The following SOX5 variants were observed in gnomAD, a reference collection of about 807,000 sequenced individuals.
The protein encoded by SOX5 is SRY-box transcription factor 5.
A neutral mutation model predicts 92.0 loss-of-function variants in SOX5; 9 were observed. The observed-to-expected ratio is 0.10, with a 90% CI of 0.06 to 0.17. The LOEUF is 0.17. Among genes scored for constraint, SOX5 ranks in the 10% least tolerant of loss-of-function variants. The pLI is 1.00. For missense variants in SOX5, 642 were observed against 944.5 expected, an observed-to-expected ratio of 0.68 and a Z score of 4.20; for synonymous variants, 344 against 336.3, an observed-to-expected ratio of 1.02 and a Z score of -0.25.
intron 2 of SOX5, among the ~76,000 whole-genome samples, chr12:24,362,784 C>G (rs555390362): frequency 6.7e-6 from 1 of 148,184 alleles, no homozygotes; most frequent in South Asian, 2.1e-4. Flanking sequence ...TAATAATTAG[C>G]TAGATATTTT....
intron 6 of SOX5, among the ~76,000 whole-genome samples, chr12:23,722,894 C>T (rs1185071387): frequency 6.6e-6 from 1 of 152,170 alleles, no homozygotes; most frequent in Non-Finnish European, 1.5e-5. Context: ...GAGACACCAG[C>T]ATTTTTCTTC....
intron 4 of SOX5, among the ~76,000 whole-genome samples, chr12:24,144,082 A>AG (rs1950845118): frequency 6.6e-6 from 1 of 151,538 alleles, no homozygotes; most frequent in African/African-American, 2.4e-5. Context: ...ACAAGCAGCC[A>AG]GAAAAAAAAA....
intron 2 of SOX5, among the ~76,000 whole-genome samples, chr12:24,317,135 A>G (rs1190128921): frequency 1.3e-5 from 2 of 152,332 alleles, no homozygotes; most frequent in East Asian, 1.9e-4. Flanking sequence ...TAGGTTCAAG[A>G]CAATTGACAA....
chr12:24,245,699 C>T (rs1938559134), intron 3 of SOX5, among the ~76,000 whole-genome samples: 1 of 152,034 alleles, frequency 6.6e-6, no homozygotes, highest in Non-Finnish European at 1.5e-5. Context: ...TGAAAATTAG[C>T]TAATTTTTAA....
At position 24,307,529 on chromosome 12, in the gene SOX5, CA is replaced by C. The variant is rs1280545692; in HGVS notation, c.-173-30218del. Among the ~76,000 whole-genome samples, 2 of 14,900 alleles carry C rather than the reference CA, an allele frequency of 1.3e-4. 1 individual carries two copies. The highest frequency in any genetic ancestry group is 2.2e-4 in the African/African-American group (2 of 9,004). The allele number at this position is 14,900 out of a possible 152,430, so 9.8% of individuals were successfully genotyped here. ...AGGAAGGAAGGAAGGCCGGCCCCCC[CA>C]CCCACCCACTCACCCACCCTGGGTC... On this transcript the variant is annotated intron_variant, in intron 2 of 4. Transcript: ENST00000446891.
chr12:23,693,298 A>G (rs1028584385), intron 6 of SOX5, among the ~76,000 whole-genome samples: 1 of 151,814 alleles, frequency 6.6e-6, no homozygotes, highest in Admixed American at 6.6e-5. Flanking sequence ...TAATTTATGG[A>G]TTTGTAGTAG....
intron 4 of SOX5, among the ~76,000 whole-genome samples, chr12:24,076,174 A>T (rs1489482257): frequency 6.6e-6 from 1 of 152,078 alleles, no homozygotes; most frequent in Non-Finnish European, 1.5e-5. Context: ...GCTTGTTATT[A>T]TCTCTCTAAA....
rs576117818 is a variant in SOX5, at chr12:23,823,923, G to A, written c.481+22060C>T. Among the ~76,000 whole-genome samples, 13 of 152,220 alleles carry A rather than the reference G, an allele frequency of 8.5e-5. No individual in the cohort carries two copies. In the Middle Eastern group the frequency reaches 0.014, roughly 159 times the overall value. On this transcript the variant is annotated intron_variant, in intron 3 of 14. Transcript: ENST00000451604. ...ATTTGATTCAGCTGTTGATACTTGC[G>A]TATGCTTCACGAAGTTCTTGTGCTA...
intron 6 of SOX5, among the ~76,000 whole-genome samples, chr12:23,689,417 A>G (rs1205326976): frequency 1.3e-5 from 2 of 152,122 alleles, no homozygotes; most frequent in African/African-American, 2.4e-5. Flanking sequence ...TCATAGCCCA[A>G]TATTCAAATA....
At chr12:24,216,834 CG>C (rs1405514215) in intron 3 of SOX5, among the ~76,000 whole-genome samples, 1 of 151,918 alleles carries the variant, frequency 6.6e-6, no homozygotes, top group Non-Finnish European at 1.5e-5. Context: ...AGGCTGAGGC[CG>C]GGGAATCACT....
At position 24,273,810 on chromosome 12, in the gene SOX5, A is replaced by G. The variant is rs1944076343; in HGVS notation, c.-77+3406T>C. On this transcript the variant is annotated intron_variant, in intron 3 of 4. Transcript: ENST00000446891. ...TGCCCTTTGCTTTTATAATATGTTC[A>G]TTTAGGTTATAAATTTCCCAGTAAA... Among the ~76,000 whole-genome samples, 4 of 152,130 alleles carry G rather than the reference A, an allele frequency of 2.6e-5. No individual in the cohort carries two copies. The South Asian group carries it at 6.2e-4, about 24-fold the overall frequency.
At chr12:23,572,489 AAAG>A (rs1948529172) in intron 10 of SOX5, among the ~76,000 whole-genome samples, 1 of 152,104 alleles carries the variant, frequency 6.6e-6, no homozygotes, top group African/African-American at 2.4e-5. Flanking sequence ...AGTAGTGGGG[AAAG>A]TCATGATAAA....
intron 1 of SOX5, among the ~76,000 whole-genome samples, chr12:24,542,957 A>C (rs1172529651): frequency 6.6e-6 from 1 of 152,270 alleles, no homozygotes; most frequent in East Asian, 1.9e-4. Context: ...TTCACTCAGG[A>C]CACCCATACT....
At chr12:24,269,036 G>A (rs977966114) in intron 3 of SOX5, among the ~76,000 whole-genome samples, 14 of 152,112 alleles carry the variant, frequency 9.2e-5, no homozygotes, top group South Asian at 2.1e-4. Context: ...GAACCCTGTC[G>A]GGATAAATGC....
intron 4 of SOX5, among the ~76,000 whole-genome samples, chr12:24,033,733 C>T (rs112039956): frequency 1.1e-4 from 16 of 151,980 alleles, no homozygotes; most frequent in South Asian, 2.1e-4. Context: ...CCAGAAAATC[C>T]GTCTGTAGGT....
intron 1 of SOX5, among the ~76,000 whole-genome samples, chr12:24,529,210 T>C (rs1248277561): frequency 6.6e-6 from 1 of 152,230 alleles, no homozygotes; most frequent in Admixed American, 6.5e-5. Flanking sequence ...ACAATGAATA[T>C]GGAGAGAATA....
In SOX5 at chr12:24,074,916, T is replaced by A. The variant is rs868830620; in HGVS notation, c.-2+138427A>T. Among the ~76,000 whole-genome samples the A allele has an allele frequency of 7.6e-4, 115 of 151,562 alleles. No homozygotes were observed. In the Middle Eastern group the frequency reaches 0.02, roughly 27 times the overall value. On this transcript the variant is annotated intron_variant, in intron 4 of 4. Transcript: ENST00000446891. ...TGTTTGTTTTATTTTGTTTTTTTTT[T>A]AACTCTCCAAACCTAAATTGATTAG... is the stretch of plus-strand genomic sequence containing the variant.
intron 9 of SOX5, among the ~76,000 whole-genome samples, chr12:23,588,888 A>C (rs2137069723): frequency 6.6e-6 from 1 of 152,160 alleles, no homozygotes; most frequent in South Asian, 2.1e-4. Flanking sequence ...ATGTTTAGAT[A>C]CACAAATACC....
chr12:24,108,506 CAAGTT>C (rs924504029), intron 4 of SOX5, among the ~76,000 whole-genome samples: 1 of 152,056 alleles, frequency 6.6e-6, no homozygotes, highest in African/African-American at 2.4e-5. Flanking sequence ...TGACTTCTGT[CAAGTT>C]AACTCTCTAA....
Sources: gnomAD v4.1 joint callset for allele counts (sites outside exome capture counted in the v4.1 genomes callset) on GRCh38, gnomAD v4.1.1 for gene constraint, MANE v1.5 for transcripts, NCBI Gene and HGNC (gene_info 2026-07-23, HGNC 2026-07-21) for gene names.